PTPRE: variants seen among roughly 807,000 people sequenced by gnomAD.
PTPRE encodes the protein protein tyrosine phosphatase receptor type E.
A neutral mutation model predicts 102.0 loss-of-function variants in PTPRE; 51 were observed. That is an observed-to-expected ratio of 0.50 (90% CI 0.40 to 0.63). The LOEUF is 0.63. Among genes scored for constraint, PTPRE ranks in the 30% least tolerant of loss-of-function variants. The pLI is 0.00. For missense variants in PTPRE, 752 were observed against 915.1 expected, an observed-to-expected ratio of 0.82 and a Z score of 2.30; for synonymous variants, 345 against 348.2, an observed-to-expected ratio of 0.99 and a Z score of 0.10.
chr10:128,011,982 T>C (rs770295262), intron 2 of PTPRE, among the ~76,000 whole-genome samples: 3 of 152,198 alleles, frequency 2.0e-5, no homozygotes, highest in African/African-American at 7.2e-5. Context: ...ACAGATGACA[T>C]GCCCAGGGTG....
intron 1 of PTPRE, among the ~76,000 whole-genome samples, chr10:127,929,840 T>G (rs1037358361): frequency 6.6e-6 from 1 of 152,096 alleles, no homozygotes; most frequent in Non-Finnish European, 1.5e-5. Context: ...GCAGATCACT[T>G]GAGGTCGGGA....
intron 1 of PTPRE, among the ~76,000 whole-genome samples, chr10:127,938,051 G>A (rs1338357274): frequency 6.6e-6 from 1 of 152,118 alleles, no homozygotes; most frequent in Non-Finnish European, 1.5e-5. Flanking sequence ...TTTCAGGATG[G>A]CAGTCAATTA....
intron 1 of PTPRE, among the ~76,000 whole-genome samples, chr10:127,924,370 C>T (rs902466350): frequency 1.3e-5 from 2 of 152,134 alleles, no homozygotes; most frequent in Non-Finnish European, 2.9e-5. Flanking sequence ...GGACTACAGG[C>T]GCCCACCACC....
Position 128,061,015 on chromosome 10 carries a change from T to C in PTPRE, c.588T>C (p.Asp196=), listed in dbSNP as rs916529784. The stretch of plus-strand genomic sequence containing the variant: ...ACTACATCAATGCTTCCTACATAGA[T>C]GTAAGTGGGCAGAGGTTTCTTGTTC... ...CSDYINASYI[D]GYKEKNKFIA... Residue 196 remains aspartate (D), a splice_region_variant and synonymous_variant, in exon 8 of 21, where the codon GAT becomes GAC. Transcript: ENST00000254667. The C allele has an allele frequency of 6.2e-7, 1 of 1,613,854 alleles. No individual in the cohort carries two copies. Among genetic ancestry groups the C allele is most frequent in the African/African-American group, 1.3e-5 (1 of 74,928 alleles).
chr10:127,920,960 G>A (rs920701279), intron 1 of PTPRE, among the ~76,000 whole-genome samples: 3 of 152,176 alleles, frequency 2.0e-5, no homozygotes, highest in African/African-American at 7.2e-5. Flanking sequence ...AGTCTCCTTG[G>A]CTCTGACGAG....
intron 20 of PTPRE, among the ~76,000 whole-genome samples, chr10:128,081,186 A>G (rs1162391350): frequency 1.3e-5 from 2 of 152,158 alleles, no homozygotes; most frequent in African/African-American, 4.8e-5. Context: ...TTATTGAGTA[A>G]AGAGATGATT....
Position 128,000,783 on chromosome 10 carries a change from C to T in PTPRE, c.-8+18487C>T, listed in dbSNP as rs575550183. Among the ~76,000 whole-genome samples, 3 of 152,352 alleles carry T rather than the reference C, an allele frequency of 2.0e-5. No homozygotes were observed. In the South Asian group the frequency reaches 6.2e-4, roughly 32 times the overall value. On this transcript the variant is annotated intron_variant, in intron 2 of 20. Transcript: ENST00000254667. ...GAAGGAGGCCCTACAAGCTCTTGCA[C>T]TGCACTCAGAGGAAGAGTCGTCCCT...
intron 2 of PTPRE, among the ~76,000 whole-genome samples, chr10:128,019,277 A>T (rs1377597140): frequency 6.6e-6 from 1 of 152,114 alleles, no homozygotes; most frequent in Non-Finnish European, 1.5e-5. Flanking sequence ...CAGCTGGGGG[A>T]GTGAAGATGG....
chr10:127,924,109 C>A (rs2135195763), intron 1 of PTPRE, among the ~76,000 whole-genome samples: 1 of 152,324 alleles, frequency 6.6e-6, no homozygotes, highest in Non-Finnish European at 1.5e-5. Context: ...CACAAGAGAA[C>A]AAACTCTTAA....
chr10:127,968,909 C>T (rs1016762923), intron 1 of PTPRE, among the ~76,000 whole-genome samples: 1 of 152,222 alleles, frequency 6.6e-6, no homozygotes, highest in South Asian at 2.1e-4. Flanking sequence ...AAATGAAACA[C>T]AATGGCTTAT....
At chr10:127,928,817 A>G (rs1052356798) in intron 1 of PTPRE, among the ~76,000 whole-genome samples, 2 of 152,220 alleles carry the variant, frequency 1.3e-5, no homozygotes, top group African/African-American at 2.4e-5. Context: ...TTTTATATCA[A>G]TCTTCATTCA....
rs115506910 is a variant in PTPRE, at chr10:127,927,155, T to A, written c.-31+19846T>A. On this transcript the variant is annotated intron_variant, in intron 1 of 20. Transcript: ENST00000254667. ...AATGGCAGGTAGGTACACTGGAGAG[T>A]GACAATGGCAGGCAGGTACACTGGA... is the stretch of plus-strand genomic sequence containing the variant. Among the ~76,000 whole-genome samples, 1,477 of 151,664 alleles carry A rather than the reference T, an allele frequency of 9.7e-3. 26 individuals carry two copies. Among genetic ancestry groups the A allele is most frequent in the African/African-American group, 0.031 (1,283 of 41,268 alleles).
In PTPRE at chr10:128,070,611, G is replaced by GATC. The variant is rs1850683525; in HGVS notation, c.1293+163_1293+165dup. Among the ~76,000 whole-genome samples, 1 of 152,212 alleles carries GATC rather than the reference G, an allele frequency of 6.6e-6. No individual in the cohort carries two copies. Among genetic ancestry groups the GATC allele is most frequent in the African/African-American group, 2.4e-5 (1 of 41,470 alleles). On this transcript the variant is annotated intron_variant, in intron 14 of 20. Transcript: ENST00000254667. This position sits in a 1 kb window ranked among gnomAD's most constrained non-coding sequence, Gnocchi z 4.8. ...GAGCCATGATTTACAAGGGAAGAAG[G>GATC]ATCAGGTGGCTTTCAGAGCCTCATA...
At chr10:127,995,823 G>GCACACACACACA (rs143328396) in intron 2 of PTPRE, among the ~76,000 whole-genome samples, 27 of 148,330 alleles carry the variant, frequency 1.8e-4, no homozygotes, top group South Asian at 4.3e-4. Context: ...CTCTACACGA[G>GCACACACACACA]CACACACACA....
chr10:127,939,302 T>C (rs1238678097), intron 1 of PTPRE, among the ~76,000 whole-genome samples: 1 of 152,252 alleles, frequency 6.6e-6, no homozygotes, highest in Non-Finnish European at 1.5e-5. Flanking sequence ...TTCATCATGC[T>C]TTACTTTTAA....
intron 7 of PTPRE, among the ~76,000 whole-genome samples, chr10:128,060,733 G>A (rs1849514266): frequency 6.6e-6 from 1 of 152,158 alleles, no homozygotes; most frequent in Non-Finnish European, 1.5e-5. Flanking sequence ...CACCAAAGCA[G>A]GTGCATTCTC....
intron 1 of PTPRE, among the ~76,000 whole-genome samples, chr10:127,920,020 G>A (rs575359384): frequency 6.6e-6 from 1 of 152,240 alleles, no homozygotes; most frequent in South Asian, 2.1e-4. Context: ...GAGCAGCCAG[G>A]CTCGGCGTGC....
intron 1 of PTPRE, among the ~76,000 whole-genome samples, chr10:127,919,222 C>T (rs1400359662): frequency 1.3e-5 from 2 of 152,232 alleles, no homozygotes; most frequent in African/African-American, 4.8e-5. Context: ...TCACTCATTT[C>T]TGGTGATTTT....
chr10:128,023,299 A>G (rs1262706279), intron 2 of PTPRE, among the ~76,000 whole-genome samples: 1 of 152,042 alleles, frequency 6.6e-6, no homozygotes, highest in Non-Finnish European at 1.5e-5. Flanking sequence ...TATACATAGT[A>G]TGTATAGGAA....
Sources: gnomAD v4.1 joint callset for allele counts (sites outside exome capture counted in the v4.1 genomes callset) on GRCh38, gnomAD v4.1.1 for gene constraint, Gnocchi (gnomAD v3.1) non-coding constraint, MANE v1.5 for transcripts, NCBI Gene and HGNC (gene_info 2026-07-23, HGNC 2026-07-21) for gene names.